The following ATP2C1 variants were observed in gnomAD, a reference collection of about 807,000 sequenced individuals.
ATP2C1 encodes calcium-transporting ATPase type 2C member 1.
ATP2C1 carries 31 observed loss-of-function variants against 120.5 expected under a neutral mutation model. That is an observed-to-expected ratio of 0.26 (90% CI 0.19 to 0.35). The LOEUF (loss-of-function observed/expected upper bound fraction) is 0.35, where lower values mean the gene tolerates loss of function less well. Among genes scored for constraint, ATP2C1 ranks in the 10% least tolerant of loss-of-function variants. The pLI, the probability that ATP2C1 is intolerant of heterozygous loss-of-function variation, is 1.00. For synonymous variants in ATP2C1, 351 were observed against 358.7 expected (o/e 0.98, Z 0.24); for missense variants, 731 against 1,107.5 (o/e 0.66, Z 4.83).
At chr3:130,965,775 T>C (rs1576912702) in intron 14 of ATP2C1, among the ~76,000 whole-genome samples, 2 of 152,116 alleles carry the variant, frequency 1.3e-5, no homozygotes, top group South Asian at 4.1e-4. Flanking sequence ...CTATGTTATA[T>C]GTTGTCTTAG....
intron 22 of ATP2C1, among the ~76,000 whole-genome samples, chr3:130,995,103 G>A (rs1318730073): frequency 6.6e-6 from 1 of 152,122 alleles, no homozygotes; most frequent in Non-Finnish European, 1.5e-5. Flanking sequence ...AGAAAAATGA[G>A]CTTAGAGGAA....
chr3:130,958,793 GTCGTAAGTGTC>G (rs2060691004), intron 11 of ATP2C1, among the ~76,000 whole-genome samples: 1 of 152,142 alleles, frequency 6.6e-6, no homozygotes, highest in Non-Finnish European at 1.5e-5. Context: ...TTTGAGCCAA[GTCGTAAGTGTC>G]CCTTTGTGTG....
chr3:130,930,372 T>G, intron 2 of ATP2C1, 44 bp from the exon 3 acceptor site: 1 of 1,224,260 alleles, frequency 8.2e-7, no homozygotes. Context: ...GCATTACACT[T>G]GTTTGCTATA....
chr3:130,858,949 T>C (rs900926498), intron 1 of ATP2C1, among the ~76,000 whole-genome samples: 3 of 152,150 alleles, frequency 2.0e-5, no homozygotes, highest in African/African-American at 4.8e-5. Flanking sequence ...GATATACTAA[T>C]AAAGATGAAC....
At chr3:130,889,265 C>G (rs943808519), upstream of ATP2C1, among the ~76,000 whole-genome samples, 1 of 152,190 alleles carries the variant, frequency 6.6e-6, no homozygotes, top group African/African-American at 2.4e-5. Context: ...AATGTGCAAA[C>G]TCAATACAGT....
chr3:130,955,207 C>T, intron 10 of ATP2C1, 127 bp downstream of exon 10: 1 of 726,538 alleles, frequency 1.4e-6, no homozygotes, highest in Admixed American at 2.2e-5. Flanking sequence ...AATCAGTTGT[C>T]TCTGTTTAGA....
At chr3:130,900,509 C>T (rs1375678181) in intron 2 of ATP2C1, among the ~76,000 whole-genome samples, 1 of 152,148 alleles carries the variant, frequency 6.6e-6, no homozygotes, top group African/African-American at 2.4e-5. Context: ...TATTTGCCAT[C>T]AGCCTTTTAT....
intron 1 of ATP2C1, among the ~76,000 whole-genome samples, chr3:130,874,387 C>A (rs79479425): frequency 0.049 from 7,490 of 152,260 alleles, 260 homozygotes; most frequent in Non-Finnish European, 0.077. Context: ...ACATCTTATT[C>A]TGTAACTTCC....
intron 17 of ATP2C1, among the ~76,000 whole-genome samples, chr3:130,970,259 A>C (rs1373217128): frequency 1.3e-5 from 2 of 151,588 alleles, no homozygotes; most frequent in Admixed American, 1.3e-4. Context: ...CGGAGGTTGC[A>C]GTGAGGCTGA....
chr3:130,926,890 A>G (rs1358811102), intron 2 of ATP2C1, among the ~76,000 whole-genome samples: 1 of 152,246 alleles, frequency 6.6e-6, no homozygotes, highest in Non-Finnish European at 1.5e-5. Flanking sequence ...CAATGAAACC[A>G]GTGAGCAAGT....
intron 27 of ATP2C1, among the ~76,000 whole-genome samples, chr3:131,000,877 C>T (rs2062850409): frequency 6.6e-6 from 1 of 152,036 alleles, no homozygotes; most frequent in Admixed American, 6.6e-5. Context: ...CTGAGGCAGG[C>T]AGATCACTTG....
At chr3:130,908,355 A>G (rs566216568) in intron 2 of ATP2C1, among the ~76,000 whole-genome samples, 5 of 152,204 alleles carry the variant, frequency 3.3e-5, no homozygotes, top group Admixed American at 2.0e-4. Context: ...ACTGCATACA[A>G]TGAAATGCCC....
intron 26 of ATP2C1, among the ~76,000 whole-genome samples, chr3:131,008,648 A>G (rs2109013712): frequency 6.6e-6 from 1 of 152,282 alleles, no homozygotes; most frequent in South Asian, 2.1e-4. Flanking sequence ...AATATTTACT[A>G]TCTAGCCCTT....
intron 2 of ATP2C1, among the ~76,000 whole-genome samples, chr3:130,922,829 A>G (rs958363735): frequency 6.6e-6 from 1 of 152,264 alleles, no homozygotes; most frequent in Non-Finnish European, 1.5e-5. Context: ...GATACTTCAT[A>G]TAATTTCAGT....
Position 130,996,111 on chromosome 3 carries a change from C to T in ATP2C1, c.2126C>T (p.Thr709Met), listed in dbSNP as rs778865612. Reference protein sequence around the residue: ...IKNFVRFQLSTSIAALTLISL... With the variant: ...IKNFVRFQLSMSIAALTLISL... ...AATTTCGTTAGATTCCAGCTGAGCACGTAAGTTTGCAAGAAATTTGTCACC... is the reference window on the plus strand; with the variant it reads ...AATTTCGTTAGATTCCAGCTGAGCATGTAAGTTTGCAAGAAATTTGTCACC... The change falls in exon 23 of 28, where the codon ACG becomes ATG. Residue 709 changes from threonine (T) to methionine (M), a missense_variant and splice_region_variant. Coordinates refer to ENST00000510168, the MANE Select transcript of ATP2C1 (RefSeq NM_001378687.1). 2 of 1,607,542 alleles carry T rather than the reference C, an allele frequency of 1.2e-6. No individual in the cohort carries two copies. The highest frequency in any genetic ancestry group is 8.5e-7 in the Non-Finnish European group (1 of 1,174,104).
At chr3:130,941,252 G>GTGTTTGTC (rs1553764220) in intron 7 of ATP2C1, among the ~76,000 whole-genome samples, 1 of 144,274 alleles carries the variant, frequency 6.9e-6, no homozygotes, top group African/African-American at 2.8e-5. Flanking sequence ...GTGTGTGTGT[G>GTGTTTGTC]TGTGTGTGTG....
chr3:130,895,029 A>T (rs894683002), intron 2 of ATP2C1, among the ~76,000 whole-genome samples: 2 of 152,146 alleles, frequency 1.3e-5, no homozygotes, highest in East Asian at 1.9e-4. Context: ...TCTTCAGCTT[A>T]GGGAATGAGA....
intron 18 of ATP2C1, among the ~76,000 whole-genome samples, chr3:130,975,700 T>C (rs146952518): frequency 5.3e-5 from 8 of 152,348 alleles, no homozygotes; most frequent in African/African-American, 1.2e-4. Flanking sequence ...CTGGTTCTTT[T>C]AGATCTCCAG....
intron 1 of ATP2C1, among the ~76,000 whole-genome samples, chr3:130,855,396 G>T (rs932711505): frequency 7.2e-5 from 11 of 152,194 alleles, no homozygotes; most frequent in African/African-American, 2.7e-4. Context: ...TAGAGAAGCC[G>T]TGGGGTTGGA....
Sources: gnomAD v4.1 joint callset for allele counts (sites outside exome capture counted in the v4.1 genomes callset) on GRCh38, gnomAD v4.1.1 for gene constraint, MANE v1.5 for transcripts, NCBI Gene and HGNC (gene_info 2026-07-23, HGNC 2026-07-21) for gene names.